Variants in TENM3 observed in about 807,000 individuals in gnomAD.
TENM3 encodes the protein teneurin-3.
Under a neutral mutation model 255.1 loss-of-function variants are expected in TENM3, and 63 were observed. The ratio of observed to expected loss-of-function variants is 0.25; its 90% CI spans 0.20 to 0.30. The LOEUF (loss-of-function observed/expected upper bound fraction) is 0.30, where lower values mean the gene tolerates loss of function less well. Ranked by LOEUF, TENM3 falls within the 10% of genes least tolerant of loss-of-function variation. TENM3 has a pLI of 1.00. For missense variants in TENM3, 2,929 were observed against 3,461.1 expected (o/e 0.85, Z 3.86); for synonymous variants, 1,306 against 1,322.3 (o/e 0.99, Z 0.27).
chr4:181,711,751 C>T, the TENM3 span, among the ~76,000 whole-genome samples: 3 of 152,226 alleles, frequency 2.0e-5, no homozygotes, highest in South Asian at 6.2e-4. Flanking sequence ...AGGTAGTTTG[C>T]CCAGGTTCAA....
chr4:181,605,567 AAAGAGAGAGAAAGAAAGGAAAG>A, the TENM3 span, among the ~76,000 whole-genome samples: 181 of 31,872 alleles, frequency 5.7e-3, 20 homozygotes, highest in Admixed American at 9.2e-3. Context: ...AGAAAGAAAG[AAAGAGAGAGAAAGAAAGGAAAG>A]AAAGAAAGAA....
intron 3 of TENM3, among the ~76,000 whole-genome samples, chr4:182,347,555 A>T (rs1169979189): frequency 6.6e-6 from 1 of 152,246 alleles, no homozygotes; most frequent in Admixed American, 6.5e-5. Context: ...AAATCCACAC[A>T]CAAAAATTGG....
chr4:181,538,366 A>T, the TENM3 span, among the ~76,000 whole-genome samples: 5 of 152,136 alleles, frequency 3.3e-5, no homozygotes, highest in African/African-American at 1.2e-4. Context: ...TGTCTTTATT[A>T]AGTGCCTCAT....
At chr4:182,063,044 T>C in the TENM3 span, among the ~76,000 whole-genome samples, 2 of 152,192 alleles carry the variant, frequency 1.3e-5, no homozygotes, top group Non-Finnish European at 2.9e-5. Context: ...ATATGATAAA[T>C]GAACAATCAC....
At chr4:181,861,682 A>T in the TENM3 span, among the ~76,000 whole-genome samples, 144 of 152,312 alleles carry the variant, frequency 9.5e-4, no homozygotes, top group African/African-American at 2.2e-3. Context: ...ATAGCATTTA[A>T]CATCTCAAAC....
At chr4:181,997,729 C>A in the TENM3 span, among the ~76,000 whole-genome samples, 1,126 of 152,278 alleles carry the variant, frequency 7.4e-3, 14 homozygotes, top group African/African-American at 0.025. Context: ...ATCGTCAGCT[C>A]TATGTTCCTC....
chr4:182,675,208 C>G (rs1755568763), intron 7 of TENM3, among the ~76,000 whole-genome samples: 1 of 152,144 alleles, frequency 6.6e-6, no homozygotes, highest in Admixed American at 6.5e-5. Context: ...AGATTTGACT[C>G]CAGTTCATCT....
chr4:181,811,970 T>C, the TENM3 span, among the ~76,000 whole-genome samples: 6,067 of 152,316 alleles, frequency 0.04, 158 homozygotes, highest in South Asian at 0.12. Flanking sequence ...ATATTTAATG[T>C]TTAGGGCAAA....
At chr4:181,630,532 T>C in the TENM3 span, among the ~76,000 whole-genome samples, 1 of 152,320 alleles carries the variant, frequency 6.6e-6, no homozygotes, top group Non-Finnish European at 1.5e-5. Flanking sequence ...GATTCTGGTA[T>C]GTTGTGTCTT....
intron 3 of TENM3, among the ~76,000 whole-genome samples, chr4:182,379,344 G>A (rs1238754731): frequency 3.9e-5 from 6 of 152,036 alleles, no homozygotes; most frequent in Non-Finnish European, 8.8e-5. Flanking sequence ...GCAATAGAGC[G>A]AGACTCCGTC....
intron 1 of TENM3, among the ~76,000 whole-genome samples, chr4:182,201,845 TATTA>T (rs1355260944): frequency 6.6e-6 from 1 of 152,228 alleles, no homozygotes; most frequent in Non-Finnish European, 1.5e-5. Context: ...ATACTTGTCT[TATTA>T]ATTCTAGTAC....
chr4:182,630,548 G>A (rs764544722), intron 5 of TENM3, among the ~76,000 whole-genome samples: 9 of 152,094 alleles, frequency 5.9e-5, no homozygotes, highest in Non-Finnish European at 1.2e-4. Flanking sequence ...GGCCTGTCAT[G>A]GGGTTGGCTG....
At chr4:181,955,693 A>T in the TENM3 span, among the ~76,000 whole-genome samples, 2 of 152,268 alleles carry the variant, frequency 1.3e-5, no homozygotes, top group Admixed American at 1.3e-4. Context: ...GATTAGCATG[A>T]ATTGGTTGAC....
chr4:182,024,275 G>A, the TENM3 span, among the ~76,000 whole-genome samples: 1 of 152,084 alleles, frequency 6.6e-6, no homozygotes, highest in African/African-American at 2.4e-5. Context: ...ATTTTAGAAT[G>A]TCTACACTAA....
the TENM3 span, among the ~76,000 whole-genome samples, chr4:182,137,311 A>G: frequency 6.7e-5 from 10 of 148,246 alleles, no homozygotes; most frequent in Admixed American, 1.4e-4. Context: ...CCTCTCCCCA[A>G]GTCTCACTCT....
the TENM3 span, among the ~76,000 whole-genome samples, chr4:181,632,122 G>A: frequency 6.6e-6 from 1 of 152,126 alleles, no homozygotes; most frequent in Non-Finnish European, 1.5e-5. Flanking sequence ...AAGAAAAGAG[G>A]TTTAATTGAC....
chr4:181,760,124 A>G, the TENM3 span, among the ~76,000 whole-genome samples: 5,212 of 152,198 alleles, frequency 0.034, 128 homozygotes, highest in Middle Eastern at 0.099. Context: ...AAACATAGAG[A>G]TTTACAGACC....
chr4:182,496,883 A>G (rs181630746), intron 3 of TENM3, among the ~76,000 whole-genome samples: 6 of 152,336 alleles, frequency 3.9e-5, no homozygotes, highest in Admixed American at 6.5e-5. Flanking sequence ...GACTTCAGTC[A>G]AAACATACCC....
chr4:182,785,462 C>T (rs1765565342), intron 24 of TENM3, among the ~76,000 whole-genome samples: 1 of 151,744 alleles, frequency 6.6e-6, no homozygotes, highest in South Asian at 2.1e-4. Context: ...AGTCCCAGCA[C>T]TTTGGGAGGC....
Sources: gnomAD v4.1 joint callset for allele counts (sites outside exome capture counted in the v4.1 genomes callset) on GRCh38, gnomAD v4.1.1 for gene constraint, MANE v1.5 for transcripts, NCBI Gene and HGNC (gene_info 2026-07-23, HGNC 2026-07-21) for gene names.